The following GALNTL6 variants were observed in gnomAD, a reference collection of about 807,000 sequenced individuals.
The protein encoded by GALNTL6 is polypeptide N-acetylgalactosaminyltransferase-like 6.
In GALNTL6, 46 loss-of-function variants were observed where a neutral mutation model predicts 73.7. The observed-to-expected ratio is 0.62, with a 90% CI of 0.49 to 0.80. GALNTL6 has a LOEUF of 0.80. Ranked by LOEUF, GALNTL6 falls within the 30% of genes least tolerant of loss-of-function variation. GALNTL6 has a pLI of 0.00. For missense variants in GALNTL6, 604 were observed against 755.0 expected (o/e 0.80, Z 2.34); for synonymous variants, 259 against 263.7 (o/e 0.98, Z 0.17).
intron 3 of GALNTL6, among the ~76,000 whole-genome samples, chr4:172,254,240 G>A (rs1255890148): frequency 6.6e-6 from 1 of 151,728 alleles, no homozygotes; most frequent in Non-Finnish European, 1.5e-5. Flanking sequence ...TCAAGAATGA[G>A]AAGTGCCAAA....
intron 4 of GALNTL6, among the ~76,000 whole-genome samples, chr4:172,317,294 G>A (rs2054684): frequency 0.1 from 15,645 of 152,176 alleles, 871 homozygotes; most frequent in Middle Eastern, 0.18. Flanking sequence ...TTGTGATGCT[G>A]AACAAGTCCA....
intron 5 of GALNTL6, among the ~76,000 whole-genome samples, chr4:172,501,209 G>T (rs980531065): frequency 6.6e-6 from 1 of 152,166 alleles, no homozygotes; most frequent in African/African-American, 2.4e-5. Context: ...ACCATTTGGA[G>T]AAACTGGGTA....
At chr4:172,367,238 T>A (rs1742599401) in intron 5 of GALNTL6, among the ~76,000 whole-genome samples, 1 of 152,190 alleles carries the variant, frequency 6.6e-6, no homozygotes, top group South Asian at 2.1e-4. Flanking sequence ...AACTCACAGA[T>A]ATGCTGGTTA....
At chr4:172,259,646 G>GCC in intron 3 of GALNTL6, among the ~76,000 whole-genome samples, 1 of 150,890 alleles carries the variant, frequency 6.6e-6, no homozygotes, top group Non-Finnish European at 1.5e-5. Context: ...TGTTTTTGTT[G>GCC]TTTGCTGTTG....
intron 5 of GALNTL6, among the ~76,000 whole-genome samples, chr4:172,349,848 T>G (rs906143702): frequency 6.7e-6 from 1 of 149,858 alleles, no homozygotes; most frequent in African/African-American, 2.4e-5. Flanking sequence ...TATATATATT[T>G]TTTTTAAACT....
chr4:172,532,015 G>A (rs982935666), intron 5 of GALNTL6, among the ~76,000 whole-genome samples: 1 of 152,166 alleles, frequency 6.6e-6, no homozygotes, highest in African/African-American at 2.4e-5. Context: ...GTGGGAGTAG[G>A]TTTCTTCTGA....
At chr4:171,940,037 C>T (rs1738480254) in intron 2 of GALNTL6, among the ~76,000 whole-genome samples, 1 of 151,978 alleles carries the variant, frequency 6.6e-6, no homozygotes, top group Middle Eastern at 3.2e-3. Context: ...CGGTCTTCGA[C>T]AAATCACTTT....
At chr4:171,969,996 C>T (rs1353347300) in intron 2 of GALNTL6, among the ~76,000 whole-genome samples, 1 of 152,108 alleles carries the variant, frequency 6.6e-6, no homozygotes, top group Non-Finnish European at 1.5e-5. Flanking sequence ...GTCTTGAACT[C>T]CTGACCTCAG....
intron 4 of GALNTL6, among the ~76,000 whole-genome samples, chr4:172,336,174 T>A (rs1435681805): frequency 6.6e-6 from 1 of 152,188 alleles, no homozygotes; most frequent in African/African-American, 2.4e-5. Flanking sequence ...GAATTTTGTT[T>A]ATTTATATCT....
At chr4:172,550,309 C>T (rs1735909763) in intron 5 of GALNTL6, among the ~76,000 whole-genome samples, 1 of 152,178 alleles carries the variant, frequency 6.6e-6, no homozygotes. Flanking sequence ...CTCATACCCT[C>T]ACCACAAAGG....
At chr4:172,990,837 ATC>A (rs1185074128) in intron 10 of GALNTL6, among the ~76,000 whole-genome samples, 7 of 152,244 alleles carry the variant, frequency 4.6e-5, no homozygotes, top group Non-Finnish European at 7.3e-5. Flanking sequence ...AATTACAGGA[ATC>A]TTACAAAGTT....
chr4:171,890,764 C>CAT (rs1166630913), intron 2 of GALNTL6, among the ~76,000 whole-genome samples: 2 of 152,028 alleles, frequency 1.3e-5, no homozygotes, highest in African/African-American at 4.8e-5. Context: ...TAACCAATGA[C>CAT]ATATAGTCAA....
At chr4:172,315,413 G>A (rs1044221667) in intron 4 of GALNTL6, among the ~76,000 whole-genome samples, 22 of 152,178 alleles carry the variant, frequency 1.4e-4, no homozygotes, top group Admixed American at 7.2e-4. Flanking sequence ...ACAGGCATGC[G>A]CCACCACACC....
At chr4:172,292,286 T>A (rs949394319) in intron 3 of GALNTL6, among the ~76,000 whole-genome samples, 7 of 151,972 alleles carry the variant, frequency 4.6e-5, no homozygotes, top group Non-Finnish European at 1.0e-4. Context: ...AAAAAAAAAC[T>A]TCCTGACATC....
chr4:172,907,654 G>C (rs918259435), intron 8 of GALNTL6, among the ~76,000 whole-genome samples: 1 of 152,106 alleles, frequency 6.6e-6, no homozygotes, highest in Non-Finnish European at 1.5e-5. Flanking sequence ...GATTGCTGTC[G>C]GTTGGAACAT....
At chr4:172,840,298 G>A (rs1476984689) in intron 7 of GALNTL6, among the ~76,000 whole-genome samples, 2 of 152,136 alleles carry the variant, frequency 1.3e-5, no homozygotes, top group East Asian at 1.9e-4. Flanking sequence ...TGTAAACACT[G>A]AATTTAAATT....
At chr4:172,296,974 C>A (rs1221029605) in intron 3 of GALNTL6, among the ~76,000 whole-genome samples, 1 of 152,152 alleles carries the variant, frequency 6.6e-6, no homozygotes, top group East Asian at 1.9e-4. Context: ...TTTACAGTCC[C>A]ACCAACAGCG....
At chr4:172,678,005 T>C (rs992978861) in intron 5 of GALNTL6, among the ~76,000 whole-genome samples, 1 of 150,500 alleles carries the variant, frequency 6.6e-6, no homozygotes, top group Admixed American at 6.7e-5. Flanking sequence ...AAAAGAGTCA[T>C]GCATGGTCAG....
At chr4:172,949,439 C>T (rs1749331064) in intron 9 of GALNTL6, among the ~76,000 whole-genome samples, 1 of 152,084 alleles carries the variant, frequency 6.6e-6, no homozygotes, top group African/African-American at 2.4e-5. Context: ...TTTTGCTATT[C>T]CCCAACTGTA....
Sources: allele counts gnomAD v4.1 joint callset (sites outside exome capture counted in the v4.1 genomes callset), GRCh38; gene constraint gnomAD v4.1.1; transcripts MANE v1.5; gene names NCBI Gene and HGNC (gene_info 2026-07-23, HGNC 2026-07-21).